Variants in POLR1F observed in about 807,000 individuals in gnomAD.
POLR1F encodes the protein RNA polymerase I subunit F.
In POLR1F, 23 loss-of-function variants were observed where a neutral mutation model predicts 21.8. The ratio of observed to expected loss-of-function variants is 1.05; its 90% confidence interval spans 0.76 to 1.49. POLR1F has a LOEUF of 1.49. Ranked by LOEUF, POLR1F falls within the 40% of genes most tolerant of loss-of-function variation. The probability of loss-of-function intolerance (pLI) is 0.00; values close to 1 mark genes in which losing one functional copy is unlikely to be tolerated. For synonymous variants in POLR1F, 162 were observed against 152.8 expected (o/e 1.06, Z -0.45); for missense variants, 435 against 412.1 (o/e 1.06, Z -0.48).
At chr7:19,702,990 A>ATGAAAATGTATGTTTTCATTCATATGTC (rs2128006622) in intron 2 of POLR1F, among the ~76,000 whole-genome samples, 1 of 152,350 alleles carries the variant, frequency 6.6e-6, no homozygotes, top group African/African-American at 2.4e-5. Context: ...CTTAAGAGAA[A>ATGAAAATGTATGTTTTCATTCATATGTC]TGAAAATGTA....
At chr7:19,704,177 T>G (rs961856208) in intron 2 of POLR1F, among the ~76,000 whole-genome samples, 4 of 152,146 alleles carry the variant, frequency 2.6e-5, no homozygotes, top group Admixed American at 2.6e-4. Flanking sequence ...AAAGAACATA[T>G]ACACACACAT....
chr7:19,703,141 G>C (rs991020442), intron 2 of POLR1F, among the ~76,000 whole-genome samples: 3 of 152,056 alleles, frequency 2.0e-5, no homozygotes, highest in Non-Finnish European at 4.4e-5. Flanking sequence ...GCAATAAAAA[G>C]GAACAAACTA....
intron 1 of POLR1F, 75 bp from the exon 2 acceptor site, chr7:19,704,995 G>GA: frequency 6.9e-7 from 1 of 1,440,540 alleles, no homozygotes. Context: ...ACAGGGTCTT[G>GA]CTCTGTCACC....
chr7:19,697,594 G>C lies in POLR1F; in HGVS notation c.*722C>G, dbSNP rs575932674. The C allele has an allele frequency of 1.3e-5, 2 of 152,202 alleles. No homozygotes were observed. Among genetic ancestry groups the C allele is most frequent in the African/African-American group, 2.4e-5 (1 of 41,526 alleles). The allele number at this position is 152,202 out of a possible 1,614,324, so 9.4% of individuals were successfully genotyped here. A position where few individuals can be genotyped will look rare whatever the true frequency, so the allele number is the denominator to read the frequency against. On this transcript the variant is annotated 3_prime_UTR_variant, in exon 4 of 4. Coordinates refer to ENST00000222567, the MANE Select transcript of POLR1F (RefSeq NM_001002926.2). The stretch of plus-strand genomic sequence containing the variant: ...ACATTTATCCTGTCTTCATTAGACT[G>C]TCCTCCAACACACAACAAAACTAGA...
At chr7:19,708,055 C>A (rs1259168308) in intron 1 of POLR1F, among the ~76,000 whole-genome samples, 3 of 151,926 alleles carry the variant, frequency 2.0e-5, no homozygotes, top group Non-Finnish European at 4.4e-5. Context: ...CCCCCCGCCC[C>A]ACACCTCTGT....
In POLR1F at chr7:19,700,079, T is replaced by G; in HGVS notation, c.598A>C (p.Ile200Leu). ...ACGTAATGATAAACTAACCTTGTGA[T>G]ATTTAGTTTTCCCCGAATGCAGAAT... ...GVFCIRGKLN[I>L]TSLQFKRSEV... Residue 200 changes from isoleucine to leucine, a missense_variant, in exon 3 of 4, where the codon ATC (isoleucine) becomes CTC (leucine). Ile to Leu is a conservative substitution (Grantham distance 5). Coordinates refer to ENST00000222567, the MANE Select transcript of POLR1F (RefSeq NM_001002926.2). The G allele has an allele frequency of 6.2e-7, 1 of 1,612,278 alleles. No homozygotes were observed. The highest frequency in any genetic ancestry group is 8.5e-7 in the Non-Finnish European group (1 of 1,178,344).
At chr7:19,707,234 A>G (rs1478456168) in intron 1 of POLR1F, among the ~76,000 whole-genome samples, 1 of 152,178 alleles carries the variant, frequency 6.6e-6, no homozygotes, top group East Asian at 1.9e-4. Flanking sequence ...TAAACTGCAA[A>G]TCTGATATGC....
chr7:19,707,381 C>A (rs1306150224), intron 1 of POLR1F, among the ~76,000 whole-genome samples: 1 of 152,088 alleles, frequency 6.6e-6, no homozygotes, highest in Non-Finnish European at 1.5e-5. Flanking sequence ...CCACCTTACC[C>A]CCAAAATAAC....
chr7:19,705,800 A>T (rs970574534), intron 1 of POLR1F, among the ~76,000 whole-genome samples: 5 of 152,200 alleles, frequency 3.3e-5, no homozygotes, highest in African/African-American at 1.2e-4. Flanking sequence ...GTGAGCTGAG[A>T]TCTCAGCACT....
Position 19,704,969 on chromosome 7 carries a change from A to G in POLR1F, c.255-49T>C, listed in dbSNP as rs377550068. The G allele has an allele frequency of 6.5e-6, 10 of 1,531,724 alleles. 1 individual carries two copies. The African/African-American group carries it at 8.5e-5, about 13-fold the overall frequency. The allele number at this position is 1,531,724 out of a possible 1,614,324, so 94.9% of individuals were successfully genotyped here. On this transcript the variant is annotated intron_variant, in intron 1 of 3. Coordinates refer to ENST00000222567, the MANE Select transcript of POLR1F (RefSeq NM_001002926.2). The stretch of plus-strand genomic sequence containing the variant: ...TGATACCTTTTATCGTCTTTTATTT[A>G]TTTATGTTTTTGGAGACAGGGTCTT...
At chr7:19,703,496 G>C (rs74923411) in intron 2 of POLR1F, among the ~76,000 whole-genome samples, 6,048 of 152,246 alleles carry the variant, frequency 0.04, 180 homozygotes, top group African/African-American at 0.077. Context: ...TATTTGAGGA[G>C]TGGATCTTGT....
At chr7:19,698,845 C>T in intron 3 of POLR1F, 118 bp from the exon 4 acceptor site, 3 of 723,424 alleles carry the variant, frequency 4.1e-6, no homozygotes, top group Non-Finnish European at 6.1e-6. Flanking sequence ...GTACAAGACA[C>T]ATAACCATGG....
intron 3 of POLR1F, among the ~76,000 whole-genome samples, chr7:19,699,791 TAAC>T (rs1783426226): frequency 6.6e-6 from 1 of 152,074 alleles, no homozygotes; most frequent in Non-Finnish European, 1.5e-5. Context: ...AAAAAAAAGT[TAAC>T]AACAAAATAG....
intron 1 of POLR1F, among the ~76,000 whole-genome samples, chr7:19,706,530 G>A (rs769666738): frequency 6.6e-6 from 1 of 152,188 alleles, no homozygotes; most frequent in Non-Finnish European, 1.5e-5. Context: ...GGGAAGAAAA[G>A]AGTCTGTCAT....
chr7:19,702,135 G>T (rs138258420), intron 2 of POLR1F, among the ~76,000 whole-genome samples: 1 of 152,268 alleles, frequency 6.6e-6, no homozygotes, highest in East Asian at 1.9e-4. Context: ...GTAAACTACA[G>T]ACTTTACTTG....
In POLR1F at chr7:19,700,293, A is replaced by G. The variant is rs755520433; in HGVS notation, c.397-13T>C. 2.5e-6 allele frequency: 4 copies of G among 1,603,138 alleles called. No individual in the cohort carries two copies. Among genetic ancestry groups the G allele is most frequent in the East Asian group, 4.5e-5 (2 of 44,806 alleles). On this transcript the variant is annotated splice_polypyrimidine_tract_variant and intron_variant, in intron 2 of 3. Coordinates refer to ENST00000222567, the MANE Select transcript of POLR1F (RefSeq NM_001002926.2). ...TATTAACTATACCCTGGGAAGAAGA[A>G]GGAAGAAAGAGCGTAACATAAAGAA...
At chr7:19,701,770 C>T (rs1333935686) in intron 2 of POLR1F, among the ~76,000 whole-genome samples, 1 of 152,116 alleles carries the variant, frequency 6.6e-6, no homozygotes, top group Non-Finnish European at 1.5e-5. Context: ...AACCTCGGTA[C>T]CTGAGCTTTA....
At position 19,697,997 on chromosome 7, in the gene POLR1F, G is replaced by A. The variant is rs551592045; in HGVS notation, c.*319C>T. 1.9e-4 allele frequency: 37 copies of A among 191,948 alleles called. No individual in the cohort carries two copies. Among genetic ancestry groups the A allele is most frequent in the Admixed American group, 1.1e-3 (19 of 16,742 alleles). 11.9% of individuals were successfully genotyped at this position (191,948 alleles called of 1,614,324 possible). On this transcript the variant is annotated 3_prime_UTR_variant, in exon 4 of 4. Coordinates refer to ENST00000222567, the MANE Select transcript of POLR1F (RefSeq NM_001002926.2). ...ACTCATTCTTTAGTAATATAATATT[G>A]TATTATAAAGTCCTTTGGCTAGTCT...
intron 3 of POLR1F, 111 bp downstream of exon 3, chr7:19,699,961 G>A (rs1783428031): frequency 2.4e-6 from 2 of 823,998 alleles, no homozygotes; most frequent in East Asian, 5.3e-5. Flanking sequence ...CCTATAAACA[G>A]GTATTTTTAG....
Sources: gnomAD v4.1 joint callset for allele counts (sites outside exome capture counted in the v4.1 genomes callset) on GRCh38, gnomAD v4.1.1 for gene constraint, MANE v1.5 for transcripts, NCBI Gene and HGNC (gene_info 2026-07-23, HGNC 2026-07-21) for gene names.